The following RHPN2 variants were observed in gnomAD, a reference collection of about 807,000 sequenced individuals.
RHPN2 encodes the protein rhophilin-2.
A neutral mutation model predicts 79.0 loss-of-function variants in RHPN2; 40 were observed. That is an observed-to-expected ratio of 0.51 (90% confidence interval 0.39 to 0.66). The LOEUF (loss-of-function observed/expected upper bound fraction) is 0.66, where lower values mean the gene tolerates loss of function less well. RHPN2 is among the 30% of genes least tolerant of loss of function. The pLI, the probability that RHPN2 is intolerant of heterozygous loss-of-function variation, is 0.00. For missense variants in RHPN2, 686 were observed against 883.5 expected (o/e 0.78, Z 2.83); for synonymous variants, 285 against 363.5 (o/e 0.78, Z 2.46).
chr19:32,990,301 G>A (rs747453513), intron 14 of RHPN2, among the ~76,000 whole-genome samples: 211 of 152,062 alleles, frequency 1.4e-3, no homozygotes, highest in Non-Finnish European at 2.3e-3. Flanking sequence ...TGGGCAATAG[G>A]GCAAGACGCT....
chr19:33,052,892 C>T (rs1392265672), intron 1 of RHPN2, among the ~76,000 whole-genome samples: 2 of 152,120 alleles, frequency 1.3e-5, no homozygotes, highest in Non-Finnish European at 2.9e-5. Flanking sequence ...TCTTTAGTTA[C>T]GAGCTCCCTT....
rs138539722 is a variant in RHPN2 at position 32,986,445 on chromosome 19, T to C, written c.1800+4069A>G. 2.6e-4 allele frequency among the ~76,000 whole-genome samples: 40 copies of C among 152,312 alleles called. No homozygotes were observed. The East Asian group carries it at 7.7e-3, about 29-fold the overall frequency. ...ATGGATTTTGTCCCTAAAAATATGA[T>C]TTCTTATGATCCCTTCTCCCAAGAT... On this transcript the variant is annotated intron_variant, in intron 14 of 14. Coordinates refer to ENST00000254260, the MANE Select transcript of RHPN2 (RefSeq NM_033103.5).
chr19:33,022,713 C>T lies in RHPN2; in HGVS notation c.315-1067G>A, dbSNP rs1272097560. Among the ~76,000 whole-genome samples the T allele has an allele frequency of 2.0e-5, 3 of 152,304 alleles. No homozygotes were observed. In the East Asian group the frequency reaches 5.8e-4, roughly 29 times the overall value. On this transcript the variant is annotated intron_variant, in intron 3 of 14. Transcript: ENST00000254260. ...GTTTTGCAAACAAGGATTTAGCTCCCTGACCTGTAACAGGAGACCTCCTTG... is the reference window on the plus strand; with the variant it reads ...GTTTTGCAAACAAGGATTTAGCTCCTTGACCTGTAACAGGAGACCTCCTTG...
At chr19:33,013,674 T>G (rs1417619064) in intron 4 of RHPN2, among the ~76,000 whole-genome samples, 1 of 151,888 alleles carries the variant, frequency 6.6e-6, no homozygotes, top group African/African-American at 2.4e-5. Context: ...GGCCTATACA[T>G]TCAACTATAC....
chr19:33,029,504 C>T (rs561563319), intron 2 of RHPN2, among the ~76,000 whole-genome samples: 77 of 133,842 alleles, frequency 5.8e-4, no homozygotes, highest in Admixed American at 2.7e-3. Context: ...CCAGCCTGGG[C>T]GACAGAGCGA....
At chr19:33,003,595 T>G (rs185343076) in intron 7 of RHPN2, among the ~76,000 whole-genome samples, 3 of 151,818 alleles carry the variant, frequency 2.0e-5, no homozygotes, top group African/African-American at 7.3e-5. Context: ...CATGAGCAGA[T>G]GAATGATTAA....
chr19:33,053,299 A>G (rs1568327145), intron 1 of RHPN2, among the ~76,000 whole-genome samples: 1 of 151,558 alleles, frequency 6.6e-6, no homozygotes, highest in Non-Finnish European at 1.5e-5. Context: ...TTGAATAACT[A>G]GGCTTTTACT....
intron 2 of RHPN2, among the ~76,000 whole-genome samples, chr19:33,036,869 A>AGC (rs1397707160): frequency 1.5e-4 from 20 of 134,050 alleles, no homozygotes; most frequent in African/African-American, 6.8e-4. Context: ...GCCATGCCTG[A>AGC]GCCCCCCCGC....
intron 9 of RHPN2, among the ~76,000 whole-genome samples, chr19:33,001,785 G>A (rs897303639): frequency 2.0e-5 from 3 of 152,144 alleles, no homozygotes; most frequent in Admixed American, 1.3e-4. Flanking sequence ...TGTATTTTTA[G>A]TAGAGACAGG....
At chr19:33,033,741 A>G (rs1390516506) in intron 2 of RHPN2, among the ~76,000 whole-genome samples, 1 of 141,692 alleles carries the variant, frequency 7.1e-6, no homozygotes, top group Non-Finnish European at 1.5e-5. Flanking sequence ...GGTGGCAGGC[A>G]CTTGTAATCC....
chr19:33,034,199 G>A (rs987869845), intron 2 of RHPN2, among the ~76,000 whole-genome samples: 19 of 151,610 alleles, frequency 1.3e-4, no homozygotes, highest in African/African-American at 4.1e-4. Context: ...AAGGCCAGGC[G>A]CGGTGGCTCA....
intron 2 of RHPN2, among the ~76,000 whole-genome samples, chr19:33,040,223 C>T (rs1293741826): frequency 4.8e-5 from 7 of 146,302 alleles, no homozygotes; most frequent in Non-Finnish European, 7.4e-5. Context: ...TAAAACTAGG[C>T]AACCTGCCTT....
At chr19:33,024,182 C>G (rs1971948032) in intron 3 of RHPN2, among the ~76,000 whole-genome samples, 1 of 152,050 alleles carries the variant, frequency 6.6e-6, no homozygotes, top group Non-Finnish European at 1.5e-5. Context: ...ATGACTAATC[C>G]CAGCACTTTG....
At chr19:33,051,547 A>G (rs1347275438) in intron 1 of RHPN2, 4 of 162,032 alleles carry the variant, frequency 2.5e-5, no homozygotes, top group Non-Finnish European at 5.5e-5. Context: ...GCTTGTAACT[A>G]CTGTTCTTAA....
intron 1 of RHPN2, among the ~76,000 whole-genome samples, chr19:33,045,967 G>A (rs554802478): frequency 4.3e-4 from 66 of 152,180 alleles, no homozygotes; most frequent in Non-Finnish European, 2.4e-4. Flanking sequence ...TTTGCATCTG[G>A]CTTCTTTCAT....
At chr19:32,997,960 A>G (rs1971716113) in intron 10 of RHPN2, among the ~76,000 whole-genome samples, 1 of 152,204 alleles carries the variant, frequency 6.6e-6, no homozygotes, top group South Asian at 2.1e-4. Context: ...CAGGGAAGAA[A>G]GAGCCAGGCC....
intron 1 of RHPN2, among the ~76,000 whole-genome samples, chr19:33,057,328 G>A (rs1220253108): frequency 6.6e-6 from 1 of 151,838 alleles, no homozygotes; most frequent in Non-Finnish European, 1.5e-5. Flanking sequence ...GGATGACACA[G>A]CAACACCCTG....
At chr19:32,990,921 T>C (rs1038257193) in intron 13 of RHPN2, 33 of 462,442 alleles carry the variant, frequency 7.1e-5, no homozygotes, top group African/African-American at 6.2e-4. Flanking sequence ...CCTAGCTACT[T>C]GGGAGGCTGA....
chr19:33,064,549 A>G (rs999870016), intron 1 of RHPN2, among the ~76,000 whole-genome samples: 65 of 151,834 alleles, frequency 4.3e-4, no homozygotes, highest in African/African-American at 1.6e-3. Context: ...GAGCGGCCAC[A>G]TGCGCCTCCC....
Sources: gnomAD v4.1 joint callset for allele counts (sites outside exome capture counted in the v4.1 genomes callset) on GRCh38, gnomAD v4.1.1 for gene constraint, MANE v1.5 for transcripts, NCBI Gene and HGNC (gene_info 2026-07-23, HGNC 2026-07-21) for gene names.